ANK2: variants seen among roughly 807,000 people sequenced by gnomAD.
ANK2 encodes ankyrin 2, also known as ankyrin-2.
A neutral mutation model predicts 360.5 loss-of-function variants in ANK2; 83 were observed. The observed-to-expected ratio is 0.23, with a 90% CI of 0.19 to 0.28. ANK2 has a LOEUF of 0.28. Ranked by LOEUF, ANK2 falls within the 10% of genes least tolerant of loss-of-function variation. ANK2 has a pLI of 1.00. For synonymous variants in ANK2, 1,740 were observed against 1,759.5 expected (o/e 0.99, Z 0.28); for missense variants, 4,201 against 4,795.7 (o/e 0.88, Z 3.66).
At chr4:113,156,249 T>C (rs551760026) in intron 1 of ANK2, among the ~76,000 whole-genome samples, 1 of 151,914 alleles carries the variant, frequency 6.6e-6, no homozygotes, top group East Asian at 1.9e-4. Flanking sequence ...TTTTAAACTT[T>C]TGTGTGGTAT....
chr4:112,800,641 A>G, the ANK2 span, among the ~76,000 whole-genome samples: 2,682 of 152,160 alleles, frequency 0.018, 93 homozygotes, highest in African/African-American at 0.059. Flanking sequence ...CCTTTTGAGA[A>G]AGTCAGCCTC....
rs1366256976 is a variant in ANK2 at position 112,844,001 on chromosome 4, AT to A, written c.-40+25741del. Among the ~76,000 whole-genome samples the A allele has an allele frequency of 2.6e-5, 4 of 152,366 alleles. No homozygotes were observed. The East Asian group carries it at 7.7e-4, about 29-fold the overall frequency. ...AGAATAATATTATATGCATACAACA[AT>A]TTTGTGCTAGACAACACAAAATTGT... On this transcript the variant is annotated intron_variant, in intron 1 of 30. Transcript: ENST00000503271.
At chr4:113,257,517 G>T (rs1014360296) in intron 11 of ANK2, among the ~76,000 whole-genome samples, 34 of 152,154 alleles carry the variant, frequency 2.2e-4, no homozygotes, top group African/African-American at 8.0e-4. Flanking sequence ...ATGTAAAAAT[G>T]ATCAACATAA....
At chr4:112,712,145 C>T in the ANK2 span, among the ~76,000 whole-genome samples, 1 of 147,866 alleles carries the variant, frequency 6.8e-6, no homozygotes, top group Admixed American at 6.7e-5. Context: ...TGCAGTGGTG[C>T]AGTCTCGGCT....
intron 9 of ANK2, among the ~76,000 whole-genome samples, 157 bp from the exon 10 acceptor site, chr4:113,249,606 TC>T (rs2045012372): frequency 6.6e-6 from 1 of 152,250 alleles, no homozygotes; most frequent in African/African-American, 2.4e-5. Context: ...GTTTTCTCTT[TC>T]ACTCATCTTT....
intron 1 of ANK2, among the ~76,000 whole-genome samples, chr4:113,103,021 A>G (rs969879239): frequency 6.6e-6 from 1 of 152,204 alleles, no homozygotes; most frequent in African/African-American, 2.4e-5. Context: ...CATTCTTCAC[A>G]GAATTGCTTT....
intron 1 of ANK2, among the ~76,000 whole-genome samples, chr4:112,876,903 A>T (rs952580530): frequency 6.6e-6 from 1 of 152,138 alleles, no homozygotes; most frequent in Non-Finnish European, 1.5e-5. Flanking sequence ...TGTTGCACTG[A>T]TAGATAAAAA....
At chr4:112,966,403 T>A (rs1387840785) in intron 2 of ANK2, among the ~76,000 whole-genome samples, 1 of 151,902 alleles carries the variant, frequency 6.6e-6, no homozygotes, top group Non-Finnish European at 1.5e-5. Flanking sequence ...GCATTAATCA[T>A]GGTAAATACT....
intron 2 of ANK2, among the ~76,000 whole-genome samples, chr4:112,960,304 AG>A (rs1321412680): frequency 1.3e-5 from 2 of 151,268 alleles, no homozygotes; most frequent in African/African-American, 4.9e-5. Flanking sequence ...ACATGTATGC[AG>A]GGTGGATTCT....
At chr4:112,819,755 C>A (rs2056454682) in intron 1 of ANK2, among the ~76,000 whole-genome samples, 1 of 152,170 alleles carries the variant, frequency 6.6e-6, no homozygotes, top group African/African-American at 2.4e-5. Flanking sequence ...TCCTCCCACC[C>A]CACCCTACTT....
At chr4:112,739,771 C>G in the ANK2 span, among the ~76,000 whole-genome samples, 1 of 152,152 alleles carries the variant, frequency 6.6e-6, no homozygotes, top group African/African-American at 2.4e-5. Flanking sequence ...CAGTGTAGAG[C>G]TAACTTTTAA....
chr4:112,713,884 A>G, the ANK2 span, among the ~76,000 whole-genome samples: 2 of 151,368 alleles, frequency 1.3e-5, no homozygotes, highest in Non-Finnish European at 2.9e-5. Flanking sequence ...CAGTGAGCCA[A>G]GATCTCGCCA....
At chr4:112,828,061 G>A (rs2058787931) in intron 1 of ANK2, among the ~76,000 whole-genome samples, 2 of 151,906 alleles carry the variant, frequency 1.3e-5, no homozygotes, top group Admixed American at 6.6e-5. Context: ...AAATAAAGTC[G>A]CAAACCTACA....
At chr4:113,245,701 G>T (rs1585940625) in intron 9 of ANK2, among the ~76,000 whole-genome samples, 1 of 152,156 alleles carries the variant, frequency 6.6e-6, no homozygotes, top group Non-Finnish European at 1.5e-5. Flanking sequence ...TTCAAGATGA[G>T]ATTTAGGTGG....
chr4:112,724,326 A>G, the ANK2 span, among the ~76,000 whole-genome samples: 1 of 152,130 alleles, frequency 6.6e-6, no homozygotes, highest in Non-Finnish European at 1.5e-5. Context: ...CGGCCTCTCA[A>G]AGTGCTGGGA....
At chr4:113,150,220 T>G (rs1253143860) in intron 1 of ANK2, among the ~76,000 whole-genome samples, 1 of 152,132 alleles carries the variant, frequency 6.6e-6, no homozygotes, top group Non-Finnish European at 1.5e-5. Context: ...CCTACCAAGC[T>G]GCCCCTTCTG....
At chr4:113,165,193 G>T (rs937096327) in intron 1 of ANK2, among the ~76,000 whole-genome samples, 8 of 152,152 alleles carry the variant, frequency 5.3e-5, no homozygotes, top group Non-Finnish European at 1.2e-4. Flanking sequence ...AATTGGGAAA[G>T]AGATTGGGTC....
intron 4 of ANK2, among the ~76,000 whole-genome samples, chr4:113,205,835 A>G (rs2098939270): frequency 6.6e-6 from 1 of 152,146 alleles, no homozygotes; most frequent in Non-Finnish European, 1.5e-5. Flanking sequence ...CATGCCCATT[A>G]CCTTGAATTG....
intron 1 of ANK2, among the ~76,000 whole-genome samples, chr4:113,051,326 T>C (rs7656158): frequency 6.6e-6 from 1 of 152,120 alleles, no homozygotes; most frequent in Non-Finnish European, 1.5e-5. Context: ...TCAGGACTAT[T>C]AAAGGGGTGG....
Sources: gnomAD v4.1 joint callset for allele counts (sites outside exome capture counted in the v4.1 genomes callset) on GRCh38, gnomAD v4.1.1 for gene constraint, MANE v1.5 for transcripts, NCBI Gene and HGNC (gene_info 2026-07-23, HGNC 2026-07-21) for gene names.